ZBTB7C: variants seen among roughly 807,000 people sequenced by gnomAD.
ZBTB7C encodes the protein zinc finger and BTB domain-containing protein 7C.
Under a neutral mutation model 25.7 loss-of-function variants are expected in ZBTB7C, and 8 were observed. That is an observed-to-expected ratio of 0.31 (90% CI 0.18 to 0.56). The LOEUF is 0.56. ZBTB7C is among the 20% of genes least tolerant of loss of function. The probability of loss-of-function intolerance (pLI) is 0.91; values close to 1 mark genes in which losing one functional copy is unlikely to be tolerated. For synonymous variants in ZBTB7C, 394 were observed against 369.0 expected (o/e 1.07, Z -0.78); for missense variants, 824 against 855.2 (o/e 0.96, Z 0.46).
chr18:48,282,781 T>C (rs558596811), intron 2 of ZBTB7C, among the ~76,000 whole-genome samples: 1 of 152,318 alleles, frequency 6.6e-6, no homozygotes, highest in East Asian at 1.9e-4. Flanking sequence ...TTATGTAAAG[T>C]TAATAAAGTT....
intron 3 of ZBTB7C, among the ~76,000 whole-genome samples, chr18:48,115,318 G>A (rs964165308): frequency 2.0e-5 from 3 of 151,766 alleles, no homozygotes; most frequent in Non-Finnish European, 4.4e-5. Flanking sequence ...GCACGATCTT[G>A]GCTCACTGCA....
At chr18:48,163,163 T>G (rs1213635193) in intron 3 of ZBTB7C, among the ~76,000 whole-genome samples, 1 of 152,160 alleles carries the variant, frequency 6.6e-6, no homozygotes, top group Non-Finnish European at 1.5e-5. Flanking sequence ...GCCATCTCTC[T>G]CCCATCCTGA....
intron 3 of ZBTB7C, among the ~76,000 whole-genome samples, chr18:48,125,290 G>T (rs1598924886): frequency 6.6e-6 from 1 of 152,148 alleles, no homozygotes; most frequent in East Asian, 1.9e-4. Context: ...TCCAGTAAGG[G>T]CTTCCTGCTG....
At chr18:48,179,910 C>CT (rs1345665806) in intron 3 of ZBTB7C, among the ~76,000 whole-genome samples, 4 of 135,992 alleles carry the variant, frequency 2.9e-5, no homozygotes, top group South Asian at 2.4e-4. Flanking sequence ...TCCTTCCTTC[C>CT]TCCCTTCCTT....
intron 2 of ZBTB7C, among the ~76,000 whole-genome samples, chr18:48,293,591 G>T (rs1325721282): frequency 6.6e-6 from 1 of 152,114 alleles, no homozygotes. Flanking sequence ...AAATAGGCGC[G>T]ATGGTAATTA....
intron 1 of ZBTB7C, among the ~76,000 whole-genome samples, chr18:48,359,233 G>T (rs933177719): frequency 1.3e-5 from 2 of 152,052 alleles, no homozygotes; most frequent in African/African-American, 4.8e-5. Flanking sequence ...CCAGAACTGG[G>T]GCCTGGCCTT....
intron 2 of ZBTB7C, among the ~76,000 whole-genome samples, chr18:48,318,814 G>A (rs922698254): frequency 1.3e-5 from 2 of 152,106 alleles, no homozygotes; most frequent in Admixed American, 6.5e-5. Flanking sequence ...CCGTCTTCTG[G>A]GTCCCTGGTA....
At chr18:48,177,497 T>C (rs1282953110) in intron 3 of ZBTB7C, among the ~76,000 whole-genome samples, 1 of 152,204 alleles carries the variant, frequency 6.6e-6, no homozygotes, top group Non-Finnish European at 1.5e-5. Flanking sequence ...TTTGTGACAG[T>C]GCCATCATTC....
At chr18:48,286,228 G>A (rs1184889142) in intron 2 of ZBTB7C, among the ~76,000 whole-genome samples, 1 of 122,108 alleles carries the variant, frequency 8.2e-6, no homozygotes, top group East Asian at 2.1e-4. Context: ...CAGAGAAGAG[G>A]TGTGCGTGTG....
chr18:48,190,799 C>T (rs2058778765), intron 2 of ZBTB7C, among the ~76,000 whole-genome samples: 1 of 152,190 alleles, frequency 6.6e-6, no homozygotes, highest in South Asian at 2.1e-4. Context: ...CCTTTGTGCC[C>T]ATTGCTAAAG....
At chr18:48,107,355 G>A (rs2039070151) in intron 3 of ZBTB7C, among the ~76,000 whole-genome samples, 1 of 151,472 alleles carries the variant, frequency 6.6e-6, no homozygotes, top group South Asian at 2.1e-4. Context: ...GAAAAAGCAG[G>A]GTCCAGAAGG....
At chr18:48,126,539 A>T (rs535683376) in intron 3 of ZBTB7C, among the ~76,000 whole-genome samples, 2 of 152,300 alleles carry the variant, frequency 1.3e-5, no homozygotes, top group East Asian at 3.9e-4. Context: ...AGCCCATTCT[A>T]GCTCCCCGGG....
intron 3 of ZBTB7C, among the ~76,000 whole-genome samples, chr18:48,058,182 A>G (rs2036990791): frequency 1.3e-5 from 2 of 152,360 alleles, no homozygotes; most frequent in African/African-American, 4.8e-5. Context: ...CTTATCTCAC[A>G]TATAGTAACT....
At chr18:48,356,260 G>T (rs372654876) in intron 1 of ZBTB7C, among the ~76,000 whole-genome samples, 1 of 152,082 alleles carries the variant, frequency 6.6e-6, no homozygotes, top group African/African-American at 2.4e-5. Flanking sequence ...AAGTGAACTC[G>T]CTCAGAAAGC....
At chr18:48,359,181 A>T (rs1439143179) in intron 1 of ZBTB7C, among the ~76,000 whole-genome samples, 1 of 152,202 alleles carries the variant, frequency 6.6e-6, no homozygotes, top group Non-Finnish European at 1.5e-5. Context: ...CAAGAGAACT[A>T]GCTGGTGGCC....
intron 2 of ZBTB7C, among the ~76,000 whole-genome samples, chr18:48,257,598 CAAGAA>C (rs1407664308): frequency 6.6e-6 from 1 of 151,974 alleles, no homozygotes; most frequent in African/African-American, 2.4e-5. Flanking sequence ...CAAAACATTA[CAAGAA>C]AAGAAAACTA....
At chr18:48,066,412 A>T (rs2037332203) in intron 3 of ZBTB7C, among the ~76,000 whole-genome samples, 1 of 152,212 alleles carries the variant, frequency 6.6e-6, no homozygotes. Context: ...CTGGGCTTTG[A>T]TTTAAAGCAA....
intron 2 of ZBTB7C, among the ~76,000 whole-genome samples, chr18:48,291,081 C>T (rs1397894523): frequency 6.6e-6 from 1 of 152,204 alleles, no homozygotes; most frequent in Admixed American, 6.5e-5. Context: ...GAACCTTCTG[C>T]TTTGGGGACA....
In ZBTB7C at chr18:48,053,235, G is replaced by A. The variant is rs1358958367; in HGVS notation, c.-16-12112C>T. Reference sequence around the variant, plus strand: ...CCCTACAGTGGCCAAGAATGGGCATGGAGTTGGGAGCGGCCGCTTCTGCAG... The same window carrying A: ...CCCTACAGTGGCCAAGAATGGGCATAGAGTTGGGAGCGGCCGCTTCTGCAG... On this transcript the variant is annotated intron_variant, in intron 3 of 4. Coordinates refer to ENST00000590800, the MANE Select transcript of ZBTB7C (RefSeq NM_001318841.2). Among the ~76,000 whole-genome samples, 2 of 152,204 alleles carry A rather than the reference G, an allele frequency of 1.3e-5. 1 individual carries two copies. The highest frequency in any genetic ancestry group is 2.9e-5 in the Non-Finnish European group (2 of 68,044).
Sources: allele counts gnomAD v4.1 joint callset (sites outside exome capture counted in the v4.1 genomes callset), GRCh38; gene constraint gnomAD v4.1.1; transcripts MANE v1.5; gene names NCBI Gene and HGNC (gene_info 2026-07-23, HGNC 2026-07-21).